Variants in CDAN1 observed in about 807,000 individuals in gnomAD.
The protein encoded by CDAN1 is codanin 1.
Under a neutral mutation model 139.8 loss-of-function variants are expected in CDAN1, and 107 were observed. The ratio of observed to expected loss-of-function variants is 0.77; its 90% CI spans 0.65 to 0.90. The LOEUF is 0.90. Ranked by LOEUF, CDAN1 falls within the 40% of genes least tolerant of loss-of-function variation. The probability of loss-of-function intolerance (pLI) is 0.00; values close to 1 mark genes in which losing one functional copy is unlikely to be tolerated. For missense variants in CDAN1, 1,667 were observed against 1,575.7 expected (o/e 1.06, Z -0.98); for synonymous variants, 776 against 660.6 (o/e 1.17, Z -2.68).
At position 42,730,811 on chromosome 15, in the gene CDAN1, T is replaced by C. The variant is rs781296636; in HGVS notation, c.2008-47A>G. 17 of 1,612,720 alleles carry C rather than the reference T, an allele frequency of 1.1e-5. No individual in the cohort carries two copies. In the African/African-American group the frequency reaches 1.3e-4, roughly 13 times the overall value. On this transcript the variant is annotated intron_variant, in intron 13 of 27. Transcript: ENST00000356231. ...CAGGGGGCAGGTCCCTAGGAAGGGC[T>C]GGGAGATGCCCTTTAACCTGCCTGG...
chr15:42,733,238 T>C (rs1317857273), intron 8 of CDAN1, 52 bp from the exon 9 acceptor site: 3 of 1,471,404 alleles, frequency 2.0e-6, no homozygotes, highest in South Asian at 2.3e-5. Flanking sequence ...CACCAGTGCC[T>C]TCCTGCCCCT....
chr15:42,725,024 G>T (rs2061503950), intron 27 of CDAN1, 120 bp downstream of exon 27: 2 of 790,880 alleles, frequency 2.5e-6, no homozygotes, highest in Non-Finnish European at 4.4e-6. Flanking sequence ...ATTTCAGGGT[G>T]GCCCTGAAGA....
intron 4 of CDAN1, 44 bp from the exon 5 acceptor site, chr15:42,735,418 G>T (rs1385386513): frequency 6.3e-7 from 1 of 1,592,084 alleles, no homozygotes; most frequent in Non-Finnish European, 8.6e-7. Context: ...GGCACCATTT[G>T]GAGCCAAGGC....
At chr15:42,726,256 G>A in intron 24 of CDAN1, 54 bp downstream of exon 24, 1 of 1,595,730 alleles carries the variant, frequency 6.3e-7, no homozygotes, top group South Asian at 1.1e-5. Context: ...TGGTTATCAG[G>A]TCTCACACAA....
At position 42,734,322 on chromosome 15, in the gene CDAN1, C is replaced by A. The variant is rs1481004253; in HGVS notation, c.1161G>T (p.Gly387=). 6.2e-6 allele frequency: 10 copies of A among 1,613,990 alleles called. No individual in the cohort carries two copies. The highest frequency in any genetic ancestry group is 3.4e-6 in the Non-Finnish European group (4 of 1,180,034). Residue 387 remains glycine (G), a synonymous_variant, in exon 7 of 28, where the codon GGG becomes GGT. Coordinates refer to ENST00000356231, the MANE Select transcript of CDAN1 (RefSeq NM_138477.4). ...CATTCTCAGCCAGCAGCTTCAAGGT[C>A]CCTTTGTCCAGGTTGGAAAGAACCC... ...HFQVLSNLDK[G]TLKLLAENER...
intron 25 of CDAN1, 68 bp downstream of exon 25, chr15:42,726,029 T>C (rs2061522298): frequency 8.0e-7 from 1 of 1,247,900 alleles, no homozygotes. Flanking sequence ...GTTTCTAATC[T>C]TGCTTGTACC....
rs2061614455 is a variant in CDAN1 at position 42,731,748 on chromosome 15, G to T, written c.1611C>A (p.Asp537Glu). 1 of 1,614,062 alleles carries T rather than the reference G, an allele frequency of 6.2e-7. No homozygotes were observed. Among genetic ancestry groups the T allele is most frequent in the African/African-American group, 1.3e-5 (1 of 74,936 alleles). Residue 537 changes from aspartate to glutamate, a missense_variant, in exon 11 of 28, where the codon GAC (aspartate) becomes GAA (glutamate). Transcript: ENST00000356231. ...GTAGGCGCCACAACCGCCCCAGCTT[G>T]TCAGCTCCCAGCATACTCAACACAT... The part of the protein sequence containing the change: ...APDVLSMLGA[D>E]KLGRLWRLQE...
rs2061581443 is a variant in CDAN1 at position 42,729,587 on chromosome 15, G to A, written c.2388C>T (p.Tyr796=). The change falls in exon 17 of 28, where the codon TAC becomes TAT. Residue 796 remains tyrosine (Y), a synonymous_variant. Coordinates refer to ENST00000356231, the MANE Select transcript of CDAN1 (RefSeq NM_138477.4). ...NAPVVDQQLL[Y]TCCPYIGELR... is the part of the protein sequence containing the mutation. Reference sequence around the variant, plus strand: ...GCTCACCGATGTAGGGGCAGCAGGTGTAGAGCAGCTGCTGGTCCACCACAG... The same window carrying A: ...GCTCACCGATGTAGGGGCAGCAGGTATAGAGCAGCTGCTGGTCCACCACAG... 1 of 1,614,170 alleles carries A rather than the reference G, an allele frequency of 6.2e-7. No homozygotes were observed. Among genetic ancestry groups the A allele is most frequent in the Non-Finnish European group, 8.5e-7 (1 of 1,180,030 alleles).
At chr15:42,728,356 TG>T (rs753071477) in intron 20 of CDAN1, 89 bp from the exon 21 acceptor site, 2 of 1,430,296 alleles carry the variant, frequency 1.4e-6, no homozygotes, top group Non-Finnish European at 2.0e-6. Context: ...GCCCCTGACC[TG>T]GGAGGCTGTA....
At chr15:42,727,887 G>A (rs1176937003) in intron 22 of CDAN1, 68 bp downstream of exon 22, 1 of 1,596,258 alleles carries the variant, frequency 6.3e-7, no homozygotes, top group African/African-American at 1.3e-5. Flanking sequence ...CCCACAAGAT[G>A]CCTCTGACTC....
intron 27 of CDAN1, 138 bp from the exon 28 acceptor site, chr15:42,724,754 C>T: frequency 8.9e-7 from 1 of 1,121,038 alleles, no homozygotes; most frequent in Non-Finnish European, 1.3e-6. Flanking sequence ...GGACATGAAA[C>T]CTTGTCTGTT....
intron 14 of CDAN1, 21 bp downstream of exon 14, chr15:42,730,576 GC>G: frequency 6.2e-7 from 1 of 1,613,632 alleles, no homozygotes; most frequent in Non-Finnish European, 8.5e-7. Context: ...CTTTCATCAA[GC>G]CTCAGCCTTG....
chr15:42,724,811 A>G, intron 27 of CDAN1, 195 bp from the exon 28 acceptor site: 1 of 702,728 alleles, frequency 1.4e-6, no homozygotes, highest in Non-Finnish European at 2.4e-6. Flanking sequence ...GCGAACTCTG[A>G]TGGAGGCACA....
In CDAN1 at chr15:42,730,702, C is replaced by T. The variant is rs2061599548; in HGVS notation, c.2070G>A (p.Val690=). 2.5e-6 allele frequency: 4 copies of T among 1,613,658 alleles called. No homozygotes were observed. The highest frequency in any genetic ancestry group is 3.4e-6 in the Non-Finnish European group (4 of 1,179,778). The part of the protein sequence containing the change: ...LQRGLQARRA[V]LTVPWLVEFL... ...ACTCCACCAGCCAGGGCACGGTGAG[C>T]ACCGCCCGGCGGGCCTGCAGCCCTC... The change falls in exon 14 of 28, where the codon GTG becomes GTA. Residue 690 remains valine, a synonymous_variant. Transcript: ENST00000356231.
In CDAN1 at chr15:42,725,289, G is replaced by C. The variant is rs199778489; in HGVS notation, c.3451-38C>G. On this transcript the variant is annotated intron_variant, in intron 26 of 27. Transcript: ENST00000356231. ...CCGAGGTCAGGGTTGCTAGGAGGAC[G>C]ACAGAGTGACCCTGATGACAGAGAT... 10 of 1,575,672 alleles carry C rather than the reference G, an allele frequency of 6.3e-6. No homozygotes were observed. In the East Asian group the frequency reaches 2.2e-4, roughly 35 times the overall value.
chr15:42,732,201 G>A (rs1398781872), intron 10 of CDAN1, 132 bp downstream of exon 10: 1 of 884,340 alleles, frequency 1.1e-6, no homozygotes, highest in East Asian at 2.5e-5. Flanking sequence ...ACTCCGCGAG[G>A]AGTAGAACTC....
At position 42,736,473 on chromosome 15, in the gene CDAN1, C is replaced by T. The variant is rs759552170; in HGVS notation, c.398G>A (p.Gly133Asp). 13 of 1,493,554 alleles carry T rather than the reference C, an allele frequency of 8.7e-6. No individual in the cohort carries two copies. The highest frequency in any genetic ancestry group is 1.2e-5 in the Non-Finnish European group (13 of 1,126,178). The allele number at this position is 1,493,554 out of a possible 1,614,324, so 92.5% of individuals were successfully genotyped here. ...RGPGPARERG[G>D]RGLEEGVSGE... ...GCTGACCCCCTCCTCCAGGCCGCGG[C>T]CTCCACGCTCGCGGGCCGGCCCCGG... is the stretch of plus-strand genomic sequence containing the variant. Residue 133 changes from glycine to aspartate, a missense_variant, in exon 2 of 28, where the codon GGC (glycine) becomes GAC (aspartate). This residue lies in a region of CDAN1 where 487 missense variants were observed against 422.2 expected (regional missense o/e 1.15). Coordinates refer to ENST00000356231, the MANE Select transcript of CDAN1 (RefSeq NM_138477.4).
chr15:42,727,839 T>G (rs1044414655), intron 22 of CDAN1, 70 bp from the exon 23 acceptor site: 1 of 1,609,484 alleles, frequency 6.2e-7, no homozygotes, highest in African/African-American at 1.3e-5. Flanking sequence ...TGCTAACCCA[T>G]GCCTTTTGCT....
rs773390506 is a variant in CDAN1, at chr15:42,724,401, G to T, written c.*90C>A. ...TGTAGACCCAGCTACACCCCAACCAGTGAGGGTCTGCATTGGGCACTTGGG... is the reference window on the plus strand; with the variant it reads ...TGTAGACCCAGCTACACCCCAACCATTGAGGGTCTGCATTGGGCACTTGGG... On this transcript the variant is annotated 3_prime_UTR_variant, in exon 28 of 28. Transcript: ENST00000356231. The T allele has an allele frequency of 6.1e-5, 92 of 1,508,132 alleles. No homozygotes were observed. Among genetic ancestry groups the T allele is most frequent in the Non-Finnish European group, 8.1e-5 (91 of 1,116,756 alleles). The allele number at this position is 1,508,132 out of a possible 1,614,324, so 93.4% of individuals were successfully genotyped here. A position where few individuals can be genotyped will look rare whatever the true frequency, so the allele number is the denominator to read the frequency against.
Sources: gnomAD v4.1 joint callset for allele counts on GRCh38, gnomAD v4.1.1 for gene constraint, gnomAD v4.1.1 regional missense constraint, MANE v1.5 for transcripts, NCBI Gene and HGNC (gene_info 2026-07-23, HGNC 2026-07-21) for gene names.